Variants in FBN1 observed in about 807,000 individuals in gnomAD.
The protein encoded by FBN1 is fibrillin-1.
In FBN1, 29 loss-of-function variants were observed where a neutral mutation model predicts 365.1. The ratio of observed to expected loss-of-function variants is 0.08; its 90% CI spans 0.06 to 0.11. The LOEUF is 0.11. Ranked by LOEUF, FBN1 falls within the 10% of genes least tolerant of loss-of-function variation. The probability of loss-of-function intolerance (pLI) is 1.00; values close to 1 mark genes in which losing one functional copy is unlikely to be tolerated. For synonymous variants in FBN1, 1,210 were observed against 1,270.5 expected, an observed-to-expected ratio of 0.95 and a Z score of 1.01; for missense variants, 2,476 against 3,703.2, an observed-to-expected ratio of 0.67 and a Z score of 8.60.
At position 48,427,473 on chromosome 15, in the gene FBN1, C is replaced by T. The variant is rs181656458; in HGVS notation, c.7204+94G>A. On this transcript the variant is annotated intron_variant, in intron 58 of 65. Transcript: ENST00000316623. ...CCTCAGCTGTGCAATTCAACCTAGG[C>T]ACATATTGCAAACTCCATATTTTCA... 1.4e-5 allele frequency: 18 copies of T among 1,290,952 alleles called. No homozygotes were observed. In the Admixed American group the frequency reaches 2.4e-4, roughly 17 times the overall value. 80.0% of individuals were successfully genotyped at this position (1,290,952 alleles called of 1,614,324 possible). A position where few individuals can be genotyped will look rare whatever the true frequency, so the allele number is the denominator to read the frequency against.
At chr15:48,516,403 T>C in intron 10 of FBN1, 41 bp from the exon 11 acceptor site, 1 of 1,595,302 alleles carries the variant, frequency 6.3e-7, no homozygotes, top group Non-Finnish European at 8.6e-7. Flanking sequence ...AGCTGAGCTG[T>C]AGCTTATGAT....
chr15:48,573,169 G>T (rs1506522), intron 6 of FBN1, among the ~76,000 whole-genome samples: 15,663 of 152,170 alleles, frequency 0.1, 2,804 homozygotes, highest in African/African-American at 0.36. Flanking sequence ...CTTTCTTTGA[G>T]ATCTATCTTT....
At chr15:48,451,527 GC>G (rs2043201459) in intron 45 of FBN1, among the ~76,000 whole-genome samples, 1 of 151,994 alleles carries the variant, frequency 6.6e-6, no homozygotes, top group South Asian at 2.1e-4. Flanking sequence ...ATAAAACAAT[GC>G]AAAATACCCT....
At chr15:48,573,679 C>T (rs2044323376) in intron 6 of FBN1, among the ~76,000 whole-genome samples, 4 of 152,270 alleles carry the variant, frequency 2.6e-5, no homozygotes, top group East Asian at 3.9e-4. Flanking sequence ...TCTCATCAGT[C>T]CCTTGAAGTC....
intron 24 of FBN1, among the ~76,000 whole-genome samples, 160 bp downstream of exon 24, chr15:48,492,301 G>A (rs962965398): frequency 2.0e-5 from 3 of 152,180 alleles, no homozygotes; most frequent in African/African-American, 4.8e-5. Flanking sequence ...CTTACTATTT[G>A]AAAGACTGTC....
chr15:48,554,344 C>T (rs1489867973), intron 6 of FBN1, among the ~76,000 whole-genome samples: 3 of 152,166 alleles, frequency 2.0e-5, no homozygotes, highest in Admixed American at 6.5e-5. Flanking sequence ...ATTGAAGCAA[C>T]GTTCAAATCA....
At chr15:48,421,833 C>T (rs1472137154) in intron 61 of FBN1, 119 bp downstream of exon 61, 8 of 1,154,298 alleles carry the variant, frequency 6.9e-6, no homozygotes, top group South Asian at 6.4e-5. Context: ...CTCACACATA[C>T]ATGCACTCAT....
chr15:48,595,135 G>A (rs1233125115), intron 6 of FBN1, among the ~76,000 whole-genome samples: 1 of 152,108 alleles, frequency 6.6e-6, no homozygotes, highest in Non-Finnish European at 1.5e-5. Flanking sequence ...CAAAGTAATC[G>A]ACCTGGAATT....
intron 32 of FBN1, among the ~76,000 whole-genome samples, chr15:48,481,126 G>A (rs1321169699): frequency 6.6e-6 from 1 of 152,096 alleles, no homozygotes; most frequent in African/African-American, 2.4e-5. Flanking sequence ...CATAAGATTT[G>A]CTAAGTCCCA....
chr15:48,500,844 T>C (rs1183984687), intron 17 of FBN1, among the ~76,000 whole-genome samples: 2 of 152,190 alleles, frequency 1.3e-5, no homozygotes, highest in African/African-American at 4.8e-5. Context: ...CAGCTTCATA[T>C]GTAGCTTGCC....
intron 53 of FBN1, among the ~76,000 whole-genome samples, chr15:48,436,687 CT>C (rs1268013135): frequency 1.3e-5 from 2 of 152,148 alleles, no homozygotes; most frequent in Non-Finnish European, 2.9e-5. Context: ...AGTATCTCTT[CT>C]GATATGTCCA....
At chr15:48,549,698 C>T (rs1304634682) in intron 6 of FBN1, among the ~76,000 whole-genome samples, 1 of 152,042 alleles carries the variant, frequency 6.6e-6, no homozygotes, top group East Asian at 1.9e-4. Flanking sequence ...GGTAATAATC[C>T]CCTGCACTAT....
chr15:48,581,577 A>T (rs1262791275), intron 6 of FBN1, among the ~76,000 whole-genome samples: 2 of 152,162 alleles, frequency 1.3e-5, no homozygotes, highest in African/African-American at 4.8e-5. Flanking sequence ...AATTAAAGAC[A>T]AGCTCTCCTT....
intron 60 of FBN1, 32 bp downstream of exon 60, chr15:48,425,337 T>G (rs1182876235): frequency 6.2e-7 from 1 of 1,613,930 alleles, no homozygotes; most frequent in Admixed American, 1.7e-5. Flanking sequence ...TGTCAGGAGC[T>G]AGGTGAGGGG....
intron 6 of FBN1, among the ~76,000 whole-genome samples, chr15:48,575,928 G>A (rs1316564471): frequency 6.6e-6 from 1 of 151,804 alleles, no homozygotes; most frequent in East Asian, 1.9e-4. Flanking sequence ...ATTATCCTAA[G>A]TAAAAGAATA....
intron 6 of FBN1, among the ~76,000 whole-genome samples, chr15:48,567,018 A>T (rs1366169266): frequency 6.6e-6 from 1 of 152,120 alleles, no homozygotes; most frequent in Non-Finnish European, 1.5e-5. Flanking sequence ...CCTGCCCCCA[A>T]CCTGCCAAAT....
At chr15:48,560,418 T>C (rs2044214687) in intron 6 of FBN1, among the ~76,000 whole-genome samples, 1 of 152,198 alleles carries the variant, frequency 6.6e-6, no homozygotes, top group Non-Finnish European at 1.5e-5. Context: ...AATGTGATAA[T>C]ACGTAACAAA....
intron 7 of FBN1, among the ~76,000 whole-genome samples, chr15:48,536,808 A>G (rs2141356938): frequency 6.6e-6 from 1 of 152,362 alleles, no homozygotes; most frequent in South Asian, 2.1e-4. Context: ...AACATACAAA[A>G]CAACGCCAAA....
At position 48,474,369 on chromosome 15, in the gene FBN1, C is replaced by T. The variant is rs763449629; in HGVS notation, c.4096G>A (p.Glu1366Lys). 6.2e-7 allele frequency: 1 copy of T among 1,613,972 alleles called. No individual in the cohort carries two copies. The highest frequency in any genetic ancestry group is 8.5e-7 in the Non-Finnish European group (1 of 1,179,976). Residue 1366 changes from glutamate to lysine, a missense_variant, in exon 34 of 66, where the codon GAA becomes AAA. This residue lies in a region of FBN1 where 1,780 missense variants were observed against 2,840.8 expected (regional missense o/e 0.63). Coordinates refer to ENST00000316623, the MANE Select transcript of FBN1 (RefSeq NM_000138.5). ...CACATATGGGTTCCATTGGAACATTCGTCCAGATCTTATAGAAAAAGGTTA... is the reference window on the plus strand; with the variant it reads ...CACATATGGGTTCCATTGGAACATTTGTCCAGATCTTATAGAAAAAGGTTA... ...GDGIKCTDLD[E>K]CSNGTHMCSQ... is the part of the protein sequence containing the mutation.
Sources: gnomAD v4.1 joint callset for allele counts (sites outside exome capture counted in the v4.1 genomes callset) on GRCh38, gnomAD v4.1.1 for gene constraint, gnomAD v4.1.1 regional missense constraint, MANE v1.5 for transcripts, NCBI Gene and HGNC (gene_info 2026-07-23, HGNC 2026-07-21) for gene names.